The following DGLUCY variants were observed in gnomAD, a reference collection of about 807,000 sequenced individuals.
The protein encoded by DGLUCY is D-glutamate cyclase, mitochondrial.
In DGLUCY, 58 loss-of-function variants were observed where a neutral mutation model predicts 58.5. The ratio of observed to expected loss-of-function variants is 0.99; its 90% CI spans 0.80 to 1.23. The LOEUF (loss-of-function observed/expected upper bound fraction) is 1.23. Among genes scored for constraint, DGLUCY ranks in the 50% most tolerant of loss-of-function variants. The pLI is 0.00. For synonymous variants in DGLUCY, 325 were observed against 314.1 expected (o/e 1.03, Z -0.37); for missense variants, 779 against 784.7 (o/e 0.99, Z 0.09).
chr14:91,167,605 A>G (rs2048355164), intron 4 of DGLUCY: 1 of 721,788 alleles, frequency 1.4e-6, no homozygotes, highest in Non-Finnish European at 2.5e-6. Flanking sequence ...GAGATCATGG[A>G]GAAAGTCCAG....
At position 91,175,650 on chromosome 14, in the gene DGLUCY, TGAGAGTA is replaced by T. The variant is rs572712594; in HGVS notation, c.608-283_608-277del. Reference sequence around the variant, plus strand: ...CTGGCTTTGGTAGCAATCTGCACAATGAGAGTACTAGGCTCAATGCACCCAAGGATCC... The same window carrying T: ...CTGGCTTTGGTAGCAATCTGCACAATCTAGGCTCAATGCACCCAAGGATCC... On this transcript the variant is annotated intron_variant, in intron 6 of 13. Coordinates refer to ENST00000256324, the MANE Select transcript of DGLUCY (RefSeq NM_001102368.3). 1.3e-3 allele frequency: 417 copies of T among 309,264 alleles called. 4 individuals are homozygous for T. The highest frequency in any genetic ancestry group is 8.2e-3 in the African/African-American group (383 of 46,796). The allele number at this position is 309,264 out of a possible 1,614,324, so 19.2% of individuals were successfully genotyped here. A position where few individuals can be genotyped will look rare whatever the true frequency, so the allele number is the denominator to read the frequency against.
chr14:91,177,927 A>AGT (rs746518190), intron 7 of DGLUCY, among the ~76,000 whole-genome samples: 1 of 152,112 alleles, frequency 6.6e-6, no homozygotes, highest in African/African-American at 2.4e-5. Flanking sequence ...GTCTTGTCTG[A>AGT]GTGTGTGTGT....
chr14:91,212,671 C>T (rs937820126), intron 12 of DGLUCY, among the ~76,000 whole-genome samples: 2 of 151,772 alleles, frequency 1.3e-5, no homozygotes, highest in African/African-American at 2.4e-5. Flanking sequence ...CACTGCACTC[C>T]AGCCTGGGTG....
Position 91,175,325 on chromosome 14 carries a change from T to C in DGLUCY, c.608-609T>C, listed in dbSNP as rs142489560. Among the ~76,000 whole-genome samples the C allele has an allele frequency of 4.8e-3, 730 of 152,198 alleles. 7 individuals carry two copies. Among genetic ancestry groups the C allele is most frequent in the African/African-American group, 0.017 (689 of 41,538 alleles). On this transcript the variant is annotated intron_variant, in intron 6 of 13. Coordinates refer to ENST00000256324, the MANE Select transcript of DGLUCY (RefSeq NM_001102368.3). ...CTGATGAGAGTTTGAGACTGGGCCT[T>C]GGTTGAGGGTCCAAGTTTGGTATAC...
At chr14:91,098,061 C>G (rs563441820) in intron 1 of DGLUCY, among the ~76,000 whole-genome samples, 9 of 152,326 alleles carry the variant, frequency 5.9e-5, no homozygotes, top group Admixed American at 1.3e-4. Context: ...GAATGCAGAG[C>G]TAGGAAATGC....
intron 10 of DGLUCY, 61 bp from the exon 11 acceptor site, chr14:91,199,696 C>G: frequency 1.3e-6 from 2 of 1,573,922 alleles, no homozygotes; most frequent in African/African-American, 1.4e-5. Flanking sequence ...GAAGGCATGA[C>G]CCAGCAAAGC....
intron 10 of DGLUCY, 105 bp from the exon 11 acceptor site, chr14:91,199,652 A>G: frequency 7.5e-7 from 1 of 1,332,982 alleles, no homozygotes; most frequent in African/African-American, 1.5e-5. Flanking sequence ...GAAGGAATCA[A>G]AGAAAAAAAG....
At chr14:91,068,747 AAAAG>A (rs2043868447) in intron 1 of DGLUCY, among the ~76,000 whole-genome samples, 1 of 152,232 alleles carries the variant, frequency 6.6e-6, no homozygotes, top group Non-Finnish European at 1.5e-5. Context: ...ACGGAATACA[AAAAG>A]AAAGCAAAGC....
At chr14:91,094,992 G>C (rs1264931335) in intron 1 of DGLUCY, among the ~76,000 whole-genome samples, 4 of 152,012 alleles carry the variant, frequency 2.6e-5, no homozygotes, top group Admixed American at 6.6e-5. Flanking sequence ...CCAGGCATGG[G>C]TGATCTAAAG....
chr14:91,213,188 A>G (rs2140711849), intron 12 of DGLUCY, among the ~76,000 whole-genome samples: 1 of 152,320 alleles, frequency 6.6e-6, no homozygotes, highest in East Asian at 1.9e-4. Flanking sequence ...TAATCCCAGC[A>G]CTTTGGGAGG....
intron 1 of DGLUCY, among the ~76,000 whole-genome samples, 168 bp from the exon 2 acceptor site, chr14:91,157,471 T>G (rs890888226): frequency 3.3e-5 from 5 of 152,204 alleles, no homozygotes; most frequent in African/African-American, 7.2e-5. Context: ...AATGCCTTTT[T>G]TGTGTGTGGG....
At chr14:91,180,814 C>T (rs1412561239) in intron 7 of DGLUCY, among the ~76,000 whole-genome samples, 2 of 152,186 alleles carry the variant, frequency 1.3e-5, no homozygotes, top group Non-Finnish European at 2.9e-5. Context: ...GGTTCCAAAC[C>T]TAACATTTGC....
rs746954312 is a variant in DGLUCY at position 91,204,804 on chromosome 14, G to C, written c.1543G>C (p.Ala515Pro). ...GGATGTCATCGCCTGCGACGTGGAG[G>C]CTGACTTTGCCGTCATTGCTGGTGA... ...HGDVIACDVE[A>P]DFAVIAGVSN... is the part of the protein sequence containing the mutation. Residue 515 changes from alanine (A) to proline (P), a missense_variant, in exon 12 of 14, where the codon GCT becomes CCT. Coordinates refer to ENST00000256324, the MANE Select transcript of DGLUCY (RefSeq NM_001102368.3). The C allele has an allele frequency of 6.2e-7, 1 of 1,614,052 alleles. No homozygotes were observed. The highest frequency in any genetic ancestry group is 2.2e-5 in the East Asian group (1 of 44,868).
chr14:91,144,414 G>T (rs909730385), intron 1 of DGLUCY, among the ~76,000 whole-genome samples: 8 of 152,164 alleles, frequency 5.3e-5, no homozygotes, highest in Non-Finnish European at 1.2e-4. Flanking sequence ...ACAGAAATTA[G>T]CTGGGCATGG....
In DGLUCY at chr14:91,096,426, C is replaced by T. The variant is rs533807466; in HGVS notation, c.-82+35722C>T. On this transcript the variant is annotated intron_variant, in intron 1 of 4. Transcript: ENST00000521334. ...GACAGAGCGAGACTCCATCTCAGGG[C>T]CGGGGGTGGGAAGGAAGAACCAGCA... Among the ~76,000 whole-genome samples, 8 of 130,278 alleles carry T rather than the reference C, an allele frequency of 6.1e-5. No homozygotes were observed. The South Asian group carries it at 2.0e-3, about 32-fold the overall frequency. 85.5% of individuals were successfully genotyped at this position (130,278 alleles called of 152,430 possible). A position where few individuals can be genotyped will look rare whatever the true frequency, so the allele number is the denominator to read the frequency against.
At chr14:91,213,722 C>T (rs922243570) in intron 12 of DGLUCY, among the ~76,000 whole-genome samples, 8 of 53,052 alleles carry the variant, frequency 1.5e-4, no homozygotes, top group African/African-American at 6.0e-4. Context: ...TTGTTTGTTA[C>T]GGAGTCTTGG....
At chr14:91,204,001 A>G (rs2140624412) in intron 11 of DGLUCY, among the ~76,000 whole-genome samples, 1 of 151,024 alleles carries the variant, frequency 6.6e-6, no homozygotes, top group East Asian at 1.9e-4. Flanking sequence ...TTATCCATAC[A>G]AGGGTAGAGG....
chr14:91,093,737 G>A lies in DGLUCY; in HGVS notation c.-82+33033G>A, dbSNP rs150250931. ...TGAGAATTCCTTGAACCCAGGAGAC[G>A]GAGGTCACGGTGAACTGAGATGGAG... On this transcript the variant is annotated intron_variant, in intron 1 of 4. Coordinates refer to the DGLUCY transcript ENST00000521334. 4.3e-3 allele frequency among the ~76,000 whole-genome samples: 651 copies of A among 152,042 alleles called. 8 individuals carry two copies. The highest frequency in any genetic ancestry group is 0.015 in the African/African-American group (618 of 41,456).
intron 9 of DGLUCY, among the ~76,000 whole-genome samples, chr14:91,192,211 T>G (rs1477847314): frequency 6.6e-6 from 1 of 152,224 alleles, no homozygotes; most frequent in African/African-American, 2.4e-5. Context: ...TGCTACAACA[T>G]GGATGACCCT....
Sources: allele counts gnomAD v4.1 joint callset (sites outside exome capture counted in the v4.1 genomes callset), GRCh38; gene constraint gnomAD v4.1.1; transcripts MANE v1.5; gene names NCBI Gene and HGNC (gene_info 2026-07-23, HGNC 2026-07-21).